The following CDKAL1 variants were observed in gnomAD, a reference collection of about 807,000 sequenced individuals.
The protein encoded by CDKAL1 is CDKAL1 threonylcarbamoyladenosine tRNA methylthiotransferase.
In CDKAL1, 32 loss-of-function variants were observed where a neutral mutation model predicts 68.2. That is an observed-to-expected ratio of 0.47 (90% CI 0.35 to 0.63). The LOEUF is 0.63. CDKAL1 is among the 30% of genes least tolerant of loss of function. CDKAL1 has a pLI of 0.00. For missense variants in CDKAL1, 606 were observed against 696.7 expected (o/e 0.87, Z 1.47); for synonymous variants, 234 against 244.3 (o/e 0.96, Z 0.39).
At chr6:20,663,156 C>T (rs1443555802) in intron 5 of CDKAL1, among the ~76,000 whole-genome samples, 1 of 152,146 alleles carries the variant, frequency 6.6e-6, no homozygotes, top group East Asian at 1.9e-4. Flanking sequence ...CCGCTCAAAA[C>T]CCGTGCTTGC....
chr6:20,900,655 A>G (rs1292939409), intron 9 of CDKAL1, among the ~76,000 whole-genome samples: 3 of 152,202 alleles, frequency 2.0e-5, no homozygotes, highest in African/African-American at 7.2e-5. Flanking sequence ...TTTAAGCAAC[A>G]CCTGTGCAGT....
intron 13 of CDKAL1, among the ~76,000 whole-genome samples, chr6:21,181,844 C>T (rs1042045022): frequency 8.5e-5 from 13 of 152,124 alleles, no homozygotes. Flanking sequence ...ATTTCTCTTT[C>T]ATTTGCCATT....
At chr6:21,228,970 C>A (rs979524382) in intron 15 of CDKAL1, among the ~76,000 whole-genome samples, 1 of 152,214 alleles carries the variant, frequency 6.6e-6, no homozygotes, top group African/African-American at 2.4e-5. Context: ...TTGCCTCCCC[C>A]TGCCATGGGA....
At chr6:20,674,892 C>T (rs1424507259) in intron 5 of CDKAL1, among the ~76,000 whole-genome samples, 1 of 152,148 alleles carries the variant, frequency 6.6e-6, no homozygotes, top group African/African-American at 2.4e-5. Context: ...CCTAATTGCT[C>T]TGATTAGGAC....
At chr6:20,713,687 A>T (rs1239930813) in intron 5 of CDKAL1, among the ~76,000 whole-genome samples, 2 of 152,118 alleles carry the variant, frequency 1.3e-5, no homozygotes, top group African/African-American at 4.8e-5. Flanking sequence ...TTGACTTAAA[A>T]TTTTTCTTTT....
At chr6:21,227,455 TATC>T (rs1405645315) in intron 15 of CDKAL1, among the ~76,000 whole-genome samples, 2 of 152,258 alleles carry the variant, frequency 1.3e-5, no homozygotes, top group Non-Finnish European at 2.9e-5. Context: ...TTAAAAATAG[TATC>T]ATCAAAATCC....
intron 15 of CDKAL1, among the ~76,000 whole-genome samples, chr6:21,230,075 T>C (rs1164278948): frequency 6.6e-6 from 1 of 152,240 alleles, no homozygotes; most frequent in Non-Finnish European, 1.5e-5. Flanking sequence ...TGGGTCACTC[T>C]TGGCGCAGCC....
chr6:21,231,117 C>T lies in CDKAL1; in HGVS notation c.*78C>T. On this transcript the variant is annotated 3_prime_UTR_variant, in exon 16 of 16. Coordinates refer to ENST00000274695, the MANE Select transcript of CDKAL1 (RefSeq NM_017774.3). The stretch of plus-strand genomic sequence containing the variant: ...TTCAATGAACAGGAAAGCGACATCT[C>T]CATTCTCCAAGGGCAATAATTTGTA... The T allele has an allele frequency of 8.5e-7, 1 of 1,180,954 alleles. No individual in the cohort carries two copies. Among genetic ancestry groups the T allele is most frequent in the East Asian group, 2.4e-5 (1 of 41,420 alleles). The allele number at this position is 1,180,954 out of a possible 1,614,324, so 73.2% of individuals were successfully genotyped here. A position where few individuals can be genotyped will look rare whatever the true frequency, so the allele number is the denominator to read the frequency against.
At chr6:20,999,663 TAAAAAAAA>T (rs36078234) in intron 10 of CDKAL1, among the ~76,000 whole-genome samples, 16 of 93,402 alleles carry the variant, frequency 1.7e-4, no homozygotes, top group South Asian at 7.6e-4. Context: ...TGACTGAAAT[TAAAAAAAA>T]AAAAAAAAAA....
intron 5 of CDKAL1, among the ~76,000 whole-genome samples, chr6:20,725,886 C>A (rs1050714860): frequency 6.6e-5 from 10 of 151,886 alleles, no homozygotes; most frequent in Admixed American, 3.3e-4. Context: ...GGGTGTCACA[C>A]CCTACAAACC....
intron 8 of CDKAL1, among the ~76,000 whole-genome samples, chr6:20,841,907 C>T (rs1467252006): frequency 6.6e-6 from 1 of 152,210 alleles, no homozygotes; most frequent in Non-Finnish European, 1.5e-5. Context: ...CTAGCTTTAT[C>T]CTTGCATCAG....
intron 15 of CDKAL1, among the ~76,000 whole-genome samples, chr6:21,210,379 A>G (rs1779105138): frequency 6.6e-6 from 1 of 152,188 alleles, no homozygotes; most frequent in Non-Finnish European, 1.5e-5. Flanking sequence ...GATGAGGATT[A>G]GTACCTTTAT....
At chr6:20,588,396 A>G (rs1765460818) in intron 4 of CDKAL1, among the ~76,000 whole-genome samples, 1 of 152,208 alleles carries the variant, frequency 6.6e-6, no homozygotes, top group African/African-American at 2.4e-5. Flanking sequence ...TACGCTACTC[A>G]TTTCTTTGAG....
intron 13 of CDKAL1, among the ~76,000 whole-genome samples, chr6:21,148,143 T>C (rs1776264888): frequency 6.6e-6 from 1 of 152,222 alleles, no homozygotes; most frequent in Non-Finnish European, 1.5e-5. Context: ...ACCATTAACA[T>C]GACTGTAATT....
chr6:20,832,466 T>C (rs1023001777), intron 8 of CDKAL1, among the ~76,000 whole-genome samples: 2 of 150,662 alleles, frequency 1.3e-5, no homozygotes, highest in African/African-American at 4.9e-5. Context: ...AGACCCTGTC[T>C]CTAATTAAAA....
At chr6:21,070,808 T>C (rs1427185737) in intron 12 of CDKAL1, among the ~76,000 whole-genome samples, 1 of 152,214 alleles carries the variant, frequency 6.6e-6, no homozygotes. Flanking sequence ...TTCCTTGGTA[T>C]TCGTAACTGT....
At chr6:20,792,159 AGTT>A (rs1775923449) in intron 8 of CDKAL1, among the ~76,000 whole-genome samples, 2 of 152,164 alleles carry the variant, frequency 1.3e-5, no homozygotes, top group South Asian at 4.1e-4. Context: ...TGGTAGCACC[AGTT>A]GTTTTATTTT....
intron 11 of CDKAL1, among the ~76,000 whole-genome samples, chr6:21,016,304 T>C (rs879709807): frequency 3.3e-5 from 5 of 152,110 alleles, no homozygotes; most frequent in Non-Finnish European, 5.9e-5. Flanking sequence ...CCAGGTTTCC[T>C]AGTTCCAGAG....
At chr6:21,227,602 G>A (rs1428275528) in intron 15 of CDKAL1, among the ~76,000 whole-genome samples, 1 of 152,268 alleles carries the variant, frequency 6.6e-6, no homozygotes. Flanking sequence ...GGCAAATCTT[G>A]TGGCTGCATA....
Sources: gnomAD v4.1 joint callset for allele counts (sites outside exome capture counted in the v4.1 genomes callset) on GRCh38, gnomAD v4.1.1 for gene constraint, MANE v1.5 for transcripts, NCBI Gene and HGNC (gene_info 2026-07-23, HGNC 2026-07-21) for gene names.